KCND3: variants seen among roughly 807,000 people sequenced by gnomAD.
KCND3 encodes potassium voltage-gated channel subfamily D member 3, also known as A-type voltage-gated potassium channel KCND3.
A neutral mutation model predicts 51.1 loss-of-function variants in KCND3; 9 were observed. The ratio of observed to expected loss-of-function variants is 0.18; its 90% CI spans 0.11 to 0.31. The LOEUF (loss-of-function observed/expected upper bound fraction) is 0.31. Among genes scored for constraint, KCND3 ranks in the 10% least tolerant of loss-of-function variants. KCND3 has a pLI of 1.00. For synonymous variants in KCND3, 349 were observed against 368.0 expected, an observed-to-expected ratio of 0.95 and a Z score of 0.59; for missense variants, 526 against 903.8, an observed-to-expected ratio of 0.58 and a Z score of 5.36.
chr1:111,948,238 G>A (rs1207197602), intron 2 of KCND3, among the ~76,000 whole-genome samples: 1 of 152,220 alleles, frequency 6.6e-6, no homozygotes, highest in African/African-American at 2.4e-5. Context: ...CCACGGGGCT[G>A]GTGCTGGCCA....
At chr1:111,969,799 T>A (rs981112029) in intron 2 of KCND3, among the ~76,000 whole-genome samples, 1 of 152,092 alleles carries the variant, frequency 6.6e-6, no homozygotes, top group Admixed American at 6.5e-5. Context: ...AACACAGCTA[T>A]TAAATCGTCA....
intron 2 of KCND3, among the ~76,000 whole-genome samples, chr1:111,965,587 G>A (rs191576204): frequency 6.6e-6 from 1 of 152,020 alleles, no homozygotes; most frequent in East Asian, 1.9e-4. Context: ...GCTTTCTCAT[G>A]TGATTTACAC....
At chr1:111,913,703 T>C (rs1442912007) in intron 2 of KCND3, among the ~76,000 whole-genome samples, 1 of 151,894 alleles carries the variant, frequency 6.6e-6, no homozygotes, top group African/African-American at 2.4e-5. Flanking sequence ...AGCCCAGGAG[T>C]TGGAGACCAA....
chr1:111,828,523 T>C (rs1666681957), intron 2 of KCND3, among the ~76,000 whole-genome samples: 1 of 152,092 alleles, frequency 6.6e-6, no homozygotes, highest in East Asian at 1.9e-4. Context: ...CACTGCTACC[T>C]GGACAAACCC....
chr1:111,941,391 A>C (rs1307330649), intron 2 of KCND3, among the ~76,000 whole-genome samples: 1 of 151,964 alleles, frequency 6.6e-6, no homozygotes, highest in Non-Finnish European at 1.5e-5. Context: ...GTCTTCAGGG[A>C]TATATAATCT....
At chr1:111,937,115 G>C (rs1672258872) in intron 2 of KCND3, among the ~76,000 whole-genome samples, 1 of 152,168 alleles carries the variant, frequency 6.6e-6, no homozygotes, top group Admixed American at 6.5e-5. Context: ...GGAGTTGTCT[G>C]GGTAAGTCCC....
chr1:111,804,237 C>A (rs1476269711), intron 2 of KCND3, among the ~76,000 whole-genome samples: 1 of 152,224 alleles, frequency 6.6e-6, no homozygotes, highest in Non-Finnish European at 1.5e-5. Flanking sequence ...GCAATCAGAG[C>A]CTTTCTTTAG....
intron 2 of KCND3, among the ~76,000 whole-genome samples, chr1:111,968,446 C>A (rs1455902228): frequency 6.6e-6 from 1 of 152,126 alleles, no homozygotes; most frequent in African/African-American, 2.4e-5. Context: ...AAGAATGAGG[C>A]CAACAGCTAC....
chr1:111,980,322 C>T (rs1674880263), intron 2 of KCND3, among the ~76,000 whole-genome samples: 1 of 151,938 alleles, frequency 6.6e-6, no homozygotes, highest in South Asian at 2.1e-4. Flanking sequence ...GTGGCCTTCA[C>T]AAATGGATGG....
intron 2 of KCND3, among the ~76,000 whole-genome samples, chr1:111,932,637 G>A (rs1048055072): frequency 4.6e-5 from 7 of 152,142 alleles, no homozygotes; most frequent in Non-Finnish European, 1.0e-4. Context: ...TTGTCTTTTT[G>A]TGACTTGTTT....
In KCND3 at chr1:111,775,819, A is replaced by AACCCCCCCCCC; in HGVS notation, c.*257_*258insGGGGGGGGGGT. On this transcript the variant is annotated 3_prime_UTR_variant, in exon 8 of 8. Coordinates refer to ENST00000302127, the MANE Select transcript of KCND3 (RefSeq NM_001378969.1). The stretch of plus-strand genomic sequence containing the variant: ...GCCTATATCCCCCGGCCTATCCCCG[A>AACCCCCCCCCC]CCCCCCCACCCTCCCTCCCTTCCTC... 1.0e-5 allele frequency: 1 copy of AACCCCCCCCCC among 97,704 alleles called. No homozygotes were observed. The highest frequency in any genetic ancestry group is 1.3e-4 in the Admixed American group (1 of 7,904). 6.1% of individuals were successfully genotyped at this position (97,704 alleles called of 1,614,324 possible).
chr1:111,867,023 T>C (rs1336582711), intron 2 of KCND3, among the ~76,000 whole-genome samples: 1 of 152,250 alleles, frequency 6.6e-6, no homozygotes, highest in East Asian at 1.9e-4. Context: ...GTCCTCGCTC[T>C]GCCAGTTAGT....
At chr1:111,830,006 T>C (rs571576451) in intron 2 of KCND3, among the ~76,000 whole-genome samples, 107 of 152,308 alleles carry the variant, frequency 7.0e-4, no homozygotes, top group African/African-American at 2.5e-3. Flanking sequence ...GTGGCTATTG[T>C]TCCAACTGCC....
intron 2 of KCND3, among the ~76,000 whole-genome samples, chr1:111,845,010 T>A (rs958430985): frequency 2.0e-5 from 3 of 152,200 alleles, no homozygotes; most frequent in African/African-American, 7.2e-5. Context: ...CTTTCCTTCA[T>A]AGCCCAGGTT....
At chr1:111,936,222 A>G (rs1672212043) in intron 2 of KCND3, among the ~76,000 whole-genome samples, 1 of 152,218 alleles carries the variant, frequency 6.6e-6, no homozygotes, top group Non-Finnish European at 1.5e-5. Context: ...ACCACTGGTG[A>G]GGCTGGTCCC....
intron 2 of KCND3, among the ~76,000 whole-genome samples, chr1:111,850,479 C>T (rs1667764072): frequency 6.6e-6 from 1 of 152,168 alleles, no homozygotes; most frequent in Admixed American, 6.5e-5. Flanking sequence ...GTGGACCCTC[C>T]TTTCCTTGTG....
intron 2 of KCND3, among the ~76,000 whole-genome samples, chr1:111,904,228 C>T (rs1457083066): frequency 6.6e-6 from 1 of 151,928 alleles, no homozygotes; most frequent in Non-Finnish European, 1.5e-5. Flanking sequence ...TTGCCCTGGG[C>T]TCTGCCTCTG....
chr1:111,983,347 C>T (rs904087860), intron 1 of KCND3, among the ~76,000 whole-genome samples: 3 of 152,144 alleles, frequency 2.0e-5, no homozygotes, highest in African/African-American at 7.2e-5. Flanking sequence ...CCAGAAAATT[C>T]TCTGAGATGG....
At chr1:111,852,099 C>T (rs1667844748) in intron 2 of KCND3, among the ~76,000 whole-genome samples, 1 of 152,200 alleles carries the variant, frequency 6.6e-6, no homozygotes, top group Non-Finnish European at 1.5e-5. Context: ...TGGAGCTTTT[C>T]TTTGTCCTCT....
Sources: allele counts gnomAD v4.1 joint callset (sites outside exome capture counted in the v4.1 genomes callset), GRCh38; gene constraint gnomAD v4.1.1; transcripts MANE v1.5; gene names NCBI Gene and HGNC (gene_info 2026-07-23, HGNC 2026-07-21).